Variants in ARHGAP44 observed in about 807,000 individuals in gnomAD.
ARHGAP44 encodes rho GTPase-activating protein 44.
A neutral mutation model predicts 106.8 loss-of-function variants in ARHGAP44; 43 were observed. That is an observed-to-expected ratio of 0.40 (90% CI 0.32 to 0.52). The LOEUF is 0.52. Ranked by LOEUF, ARHGAP44 falls within the 20% of genes least tolerant of loss-of-function variation. The probability of loss-of-function intolerance (pLI) is 0.48; values close to 1 mark genes in which losing one functional copy is unlikely to be tolerated. For missense variants in ARHGAP44, 866 were observed against 1,050.5 expected, an observed-to-expected ratio of 0.82 and a Z score of 2.43; for synonymous variants, 439 against 410.3, an observed-to-expected ratio of 1.07 and a Z score of -0.85.
intron 1 of ARHGAP44, among the ~76,000 whole-genome samples, chr17:12,866,387 C>T (rs1404589022): frequency 6.6e-6 from 1 of 152,112 alleles, no homozygotes; most frequent in African/African-American, 2.4e-5. Context: ...CCCGTAAGTT[C>T]TAACCTCAAA....
chr17:12,973,745 G>C (rs2039588650), intron 17 of ARHGAP44: 1 of 505,472 alleles, frequency 2.0e-6, no homozygotes, highest in Non-Finnish European at 3.5e-6. Context: ...AGGAAGGCTG[G>C]CAGTTTACAC....
At chr17:12,848,508 AAT>A (rs1253645290) in intron 1 of ARHGAP44, among the ~76,000 whole-genome samples, 1 of 152,144 alleles carries the variant, frequency 6.6e-6, no homozygotes, top group Non-Finnish European at 1.5e-5. Context: ...TATTCCTGCT[AAT>A]ATGTTTTTCC....
At chr17:12,986,768 A>G in intron 20 of ARHGAP44, 1 of 241,280 alleles carries the variant, frequency 4.1e-6, no homozygotes, top group East Asian at 7.6e-5. Context: ...TTGGGGAACA[A>G]AAGTGGGCAA....
chr17:12,894,239 A>AGTGT (rs1392692446), intron 1 of ARHGAP44, among the ~76,000 whole-genome samples: 1 of 146,360 alleles, frequency 6.8e-6, no homozygotes, highest in African/African-American at 2.5e-5. Context: ...AGAGAGAGAG[A>AGTGT]GAGTGTGTGT....
chr17:12,802,222 A>G (rs137957473), intron 1 of ARHGAP44, among the ~76,000 whole-genome samples: 1 of 152,324 alleles, frequency 6.6e-6, no homozygotes, highest in Non-Finnish European at 1.5e-5. Flanking sequence ...GTTCCCCCAT[A>G]ATCAGTTAGG....
Position 12,943,661 on chromosome 17 carries a change from C to G in ARHGAP44, c.725C>G (p.Ala242Gly), listed in dbSNP as rs778828069. 1 of 1,613,694 alleles carries G rather than the reference C, an allele frequency of 6.2e-7. No individual in the cohort carries two copies. Among genetic ancestry groups the G allele is most frequent in the African/African-American group, 1.3e-5 (1 of 74,924 alleles). ...CAGGCTGTATTGCCTCAGATCAAAGCACAACAGGGTAAGTGCAGGCCTTCC... is the reference window on the plus strand; with the variant it reads ...CAGGCTGTATTGCCTCAGATCAAAGGACAACAGGGTAAGTGCAGGCCTTCC... ...LLQAVLPQIK[A>G]QQEAWVEKPS... Residue 242 changes from alanine (A) to glycine (G), a missense_variant, in exon 9 of 21, where the codon GCA becomes GGA. By Grantham distance (60) the Ala-to-Gly change is moderately conservative. Coordinates refer to ENST00000379672, the MANE Select transcript of ARHGAP44 (RefSeq NM_014859.6).
rs1159214788 is a variant in ARHGAP44, at chr17:12,802,927, TTATATATATATATATATATA to T, written c.53+13060_53+13079del. 1.3e-3 allele frequency among the ~76,000 whole-genome samples: 39 copies of T among 29,238 alleles called. 2 individuals carry two copies. The highest frequency in any genetic ancestry group is 2.1e-3 in the South Asian group (1 of 484). The allele number at this position is 29,238 out of a possible 152,430, so 19.2% of individuals were successfully genotyped here. On this transcript the variant is annotated intron_variant, in intron 1 of 20. Coordinates refer to ENST00000379672, the MANE Select transcript of ARHGAP44 (RefSeq NM_014859.6). ...GCATGTACCACCATACCTGGCTAAT[TTATATATATATATATATATA>T]TATATATATATATATATATATATTT...
At chr17:12,921,116 G>T (rs2038070638) in intron 6 of ARHGAP44, among the ~76,000 whole-genome samples, 1 of 151,962 alleles carries the variant, frequency 6.6e-6, no homozygotes, top group African/African-American at 2.4e-5. Flanking sequence ...ACCCAGGCTG[G>T]AGTGCAGTGG....
Position 12,990,359 on chromosome 17 carries a change from T to C in ARHGAP44, c.*188T>C. On this transcript the variant is annotated 3_prime_UTR_variant, in exon 21 of 21. Transcript: ENST00000379672. ...GTGGTGATGCTGGTGGTGCAGGTTT[T>C]GTTTGTTCCTTTCGGGTGGTGACTT... The C allele has an allele frequency of 2.7e-6, 2 of 734,334 alleles. No individual in the cohort carries two copies. The highest frequency in any genetic ancestry group is 2.1e-6 in the Non-Finnish European group (1 of 470,766). 45.5% of individuals were successfully genotyped at this position (734,334 alleles called of 1,614,324 possible). A position where few individuals can be genotyped will look rare whatever the true frequency, so the allele number is the denominator to read the frequency against.
intron 1 of ARHGAP44, among the ~76,000 whole-genome samples, chr17:12,842,656 G>A (rs1471940440): frequency 1.3e-5 from 2 of 152,104 alleles, no homozygotes; most frequent in South Asian, 2.1e-4. Flanking sequence ...GGAGGTTGGG[G>A]ACTATACTTT....
chr17:12,877,896 C>G (rs1348360501), intron 1 of ARHGAP44, among the ~76,000 whole-genome samples: 1 of 152,202 alleles, frequency 6.6e-6, no homozygotes, highest in Non-Finnish European at 1.5e-5. Flanking sequence ...TTGCTTGACT[C>G]TAGTCCACAT....
intron 1 of ARHGAP44, among the ~76,000 whole-genome samples, chr17:12,804,449 G>T (rs77589712): frequency 2.0e-5 from 3 of 152,162 alleles, no homozygotes; most frequent in Non-Finnish European, 4.4e-5. Context: ...GACCTTCATG[G>T]CGAAGGGATG....
intron 10 of ARHGAP44, among the ~76,000 whole-genome samples, chr17:12,944,406 A>T (rs932754590): frequency 2.0e-5 from 3 of 152,044 alleles, no homozygotes; most frequent in Non-Finnish European, 4.4e-5. Context: ...GAGAATTGTG[A>T]TGGCCATGAG....
chr17:12,967,859 C>T (rs923908844), intron 16 of ARHGAP44, among the ~76,000 whole-genome samples: 1 of 152,298 alleles, frequency 6.6e-6, no homozygotes, highest in Admixed American at 6.5e-5. Flanking sequence ...CTACTTCTCC[C>T]TGCTTACACG....
At chr17:12,839,364 C>T (rs1265716153) in intron 1 of ARHGAP44, among the ~76,000 whole-genome samples, 1 of 152,210 alleles carries the variant, frequency 6.6e-6, no homozygotes, top group African/African-American at 2.4e-5. Flanking sequence ...TCTCCTCGGT[C>T]ACCCTGTGGG....
At chr17:12,868,150 G>A (rs75999476) in intron 1 of ARHGAP44, among the ~76,000 whole-genome samples, 3,317 of 152,178 alleles carry the variant, frequency 0.022, 131 homozygotes, top group African/African-American at 0.076. Flanking sequence ...AAGAGGTGTC[G>A]GAGGGTCGTT....
At chr17:12,928,231 A>G (rs1598069364) in intron 6 of ARHGAP44, among the ~76,000 whole-genome samples, 1 of 152,182 alleles carries the variant, frequency 6.6e-6, no homozygotes, top group South Asian at 2.1e-4. Context: ...TTGCTATCAG[A>G]TTTGTTTTTA....
intron 1 of ARHGAP44, among the ~76,000 whole-genome samples, chr17:12,867,692 A>T (rs1210161219): frequency 6.6e-6 from 1 of 152,198 alleles, no homozygotes; most frequent in Non-Finnish European, 1.5e-5. Flanking sequence ...AGTCACACAT[A>T]AACTCCACCC....
At chr17:12,802,527 G>T (rs2034124793) in intron 1 of ARHGAP44, among the ~76,000 whole-genome samples, 2 of 152,042 alleles carry the variant, frequency 1.3e-5, no homozygotes, top group Non-Finnish European at 2.9e-5. Context: ...GAATTCTTTC[G>T]ATTGACAGTC....
Sources: gnomAD v4.1 joint callset for allele counts (sites outside exome capture counted in the v4.1 genomes callset) on GRCh38, gnomAD v4.1.1 for gene constraint, MANE v1.5 for transcripts, NCBI Gene and HGNC (gene_info 2026-07-23, HGNC 2026-07-21) for gene names.